Variants in GRID1 observed in about 807,000 individuals in gnomAD.
The protein encoded by GRID1 is glutamate ionotropic receptor delta type subunit 1.
GRID1 carries 28 observed loss-of-function variants against 98.0 expected under a neutral mutation model. The observed-to-expected ratio is 0.29, with a 90% CI of 0.21 to 0.39. GRID1 has a LOEUF of 0.39. Among genes scored for constraint, GRID1 ranks in the 10% least tolerant of loss-of-function variants. The pLI, the probability that GRID1 is intolerant of heterozygous loss-of-function variation, is 1.00. For missense variants in GRID1, 1,111 were observed against 1,340.5 expected, an observed-to-expected ratio of 0.83 and a Z score of 2.67; for synonymous variants, 553 against 538.5, an observed-to-expected ratio of 1.03 and a Z score of -0.37.
At chr10:86,184,323 C>A (rs1397017908) in intron 3 of GRID1, among the ~76,000 whole-genome samples, 1 of 152,054 alleles carries the variant, frequency 6.6e-6, no homozygotes. Context: ...GAAATCTTTG[C>A]CTAACCTAGG....
chr10:85,859,414 CGGAT>C (rs968395133), intron 6 of GRID1, among the ~76,000 whole-genome samples: 4 of 149,896 alleles, frequency 2.7e-5, no homozygotes, highest in South Asian at 2.1e-4. Context: ...GATGGATGGA[CGGAT>C]GGATGGATGG....
intron 3 of GRID1, among the ~76,000 whole-genome samples, chr10:86,142,808 G>GC (rs1564688566): frequency 2.0e-5 from 3 of 152,166 alleles, no homozygotes. Flanking sequence ...TCTCAGTCTG[G>GC]GGGAAAAGTC....
chr10:85,619,761 C>T (rs889967800), intron 14 of GRID1, 106 bp downstream of exon 14: 33 of 841,840 alleles, frequency 3.9e-5, no homozygotes, highest in South Asian at 2.2e-4. Context: ...GAAAATATGA[C>T]GAACAAAGAT....
chr10:85,750,068 T>C (rs1352423766), intron 8 of GRID1, among the ~76,000 whole-genome samples: 1 of 152,190 alleles, frequency 6.6e-6, no homozygotes, highest in Non-Finnish European at 1.5e-5. Context: ...CAGCACTTAT[T>C]AAAATGCCTG....
chr10:86,039,504 G>T lies in GRID1; in HGVS notation c.726+99315C>A, dbSNP rs145655584. 7.3e-3 allele frequency among the ~76,000 whole-genome samples: 1,111 copies of T among 152,244 alleles called. 8 individuals are homozygous for T. Among genetic ancestry groups the T allele is most frequent in the Non-Finnish European group, 0.011 (754 of 68,014 alleles). The stretch of plus-strand genomic sequence containing the variant: ...TTAAATGTATTTTTAAAAAGCTGTT[G>T]TCCTTTTCTTCACCTTTCACAAGCT... On this transcript the variant is annotated intron_variant, in intron 4 of 15. Coordinates refer to ENST00000327946, the MANE Select transcript of GRID1 (RefSeq NM_017551.3).
intron 4 of GRID1, among the ~76,000 whole-genome samples, chr10:86,135,584 G>A (rs1462569452): frequency 3.3e-5 from 5 of 152,138 alleles, no homozygotes; most frequent in South Asian, 2.1e-4. Context: ...AAGACTGAGC[G>A]AGGGATGTGA....
At chr10:85,851,141 G>A (rs1045461003) in intron 8 of GRID1, among the ~76,000 whole-genome samples, 1 of 152,106 alleles carries the variant, frequency 6.6e-6, no homozygotes, top group Non-Finnish European at 1.5e-5. Flanking sequence ...GTAGAAATTT[G>A]TGGAGGTCCT....
At position 85,887,676 on chromosome 10, in the gene GRID1, G is replaced by A. The variant is rs971020720; in HGVS notation, c.781-18496C>T. On this transcript the variant is annotated intron_variant, in intron 5 of 15. Transcript: ENST00000327946. ...TCAGATGGATTTGACTTCCAACCCC[G>A]CCTTCTTCTCTTCCTGATGGTGTAA... Among the ~76,000 whole-genome samples the A allele has an allele frequency of 4.6e-5, 7 of 152,130 alleles. No individual in the cohort carries two copies. In the East Asian group the frequency reaches 7.7e-4, roughly 17 times the overall value.
At chr10:85,958,653 A>G (rs1842225219) in intron 4 of GRID1, among the ~76,000 whole-genome samples, 1 of 152,198 alleles carries the variant, frequency 6.6e-6, no homozygotes, top group Non-Finnish European at 1.5e-5. Context: ...TGAAGATCTG[A>G]ATAAAACAAA....
chr10:85,965,346 T>C lies in GRID1; in HGVS notation c.727-49107A>G, dbSNP rs535666557. The stretch of plus-strand genomic sequence containing the variant: ...GAAGACACATGCACACATATGTTTA[T>C]TGTGGCACTGTTCACAATAGCAAAG... On this transcript the variant is annotated intron_variant, in intron 4 of 15. Transcript: ENST00000327946. Among the ~76,000 whole-genome samples the C allele has an allele frequency of 1.6e-4, 25 of 152,370 alleles. No individual in the cohort carries two copies. In the South Asian group the frequency reaches 3.3e-3, roughly 20 times the overall value.
chr10:86,160,726 AGT>A (rs1293160928), intron 3 of GRID1, among the ~76,000 whole-genome samples: 29 of 152,356 alleles, frequency 1.9e-4, no homozygotes, highest in African/African-American at 7.0e-4. Flanking sequence ...TCCTTGCAAG[AGT>A]CCTTCCAGGG....
At chr10:86,320,210 A>G (rs879666060) in intron 2 of GRID1, among the ~76,000 whole-genome samples, 2 of 152,208 alleles carry the variant, frequency 1.3e-5, no homozygotes, top group Non-Finnish European at 2.9e-5. Flanking sequence ...ATGAATCACT[A>G]AGCGAATGAG....
intron 12 of GRID1, among the ~76,000 whole-genome samples, chr10:85,710,518 C>T (rs1841570064): frequency 1.3e-5 from 2 of 151,990 alleles, no homozygotes; most frequent in Non-Finnish European, 2.9e-5. Flanking sequence ...ATAAAACTCC[C>T]AGAAGAAAAC....
chr10:86,119,272 T>C (rs1418360976), intron 4 of GRID1, among the ~76,000 whole-genome samples: 4 of 152,102 alleles, frequency 2.6e-5, no homozygotes, highest in African/African-American at 9.7e-5. Flanking sequence ...GAGGCAGAGG[T>C]TGCAGTGAGC....
At chr10:86,203,887 C>T (rs1564705459) in intron 3 of GRID1, among the ~76,000 whole-genome samples, 1 of 152,140 alleles carries the variant, frequency 6.6e-6, no homozygotes, top group Non-Finnish European at 1.5e-5. Context: ...CCACACACGG[C>T]CTCAGAATCC....
At chr10:85,822,173 C>G (rs1842778923) in intron 8 of GRID1, among the ~76,000 whole-genome samples, 1 of 151,838 alleles carries the variant, frequency 6.6e-6, no homozygotes, top group Non-Finnish European at 1.5e-5. Context: ...CAACAAAAGC[C>G]AAAATTGACA....
chr10:85,865,920 T>TATATATATATATATATATACAC (rs1843212079), intron 6 of GRID1, among the ~76,000 whole-genome samples: 1 of 109,432 alleles, frequency 9.1e-6, no homozygotes, highest in Admixed American at 1.1e-4. Flanking sequence ...TACATATATA[T>TATATATATATATATATATACAC]ATATATATAT....
At chr10:86,296,095 C>T (rs1227582833) in intron 2 of GRID1, among the ~76,000 whole-genome samples, 2 of 152,230 alleles carry the variant, frequency 1.3e-5, no homozygotes, top group African/African-American at 2.4e-5. Context: ...CAGTGGCTCC[C>T]ACACCATGGC....
In GRID1 at chr10:85,826,499, C is replaced by T. The variant is rs975378753; in HGVS notation, c.1233+27997G>A. On this transcript the variant is annotated intron_variant, in intron 8 of 15. Transcript: ENST00000327946. ...TGTTCACAGATGCCAGCAACTGTGACCCTCCCCCGTCCCCCACCCTGTTGT... is the reference window on the plus strand; with the variant it reads ...TGTTCACAGATGCCAGCAACTGTGATCCTCCCCCGTCCCCCACCCTGTTGT... Among the ~76,000 whole-genome samples, 8 of 152,108 alleles carry T rather than the reference C, an allele frequency of 5.3e-5. No individual in the cohort carries two copies. In the East Asian group the frequency reaches 1.4e-3, roughly 26 times the overall value.
Sources: allele counts gnomAD v4.1 joint callset (sites outside exome capture counted in the v4.1 genomes callset), GRCh38; gene constraint gnomAD v4.1.1; transcripts MANE v1.5; gene names NCBI Gene and HGNC (gene_info 2026-07-23, HGNC 2026-07-21).